The following GGACT variants were observed in gnomAD, a reference collection of about 807,000 sequenced individuals.
GGACT encodes the protein gamma-glutamylaminecyclotransferase.
For missense variants in GGACT, 241 were observed against 233.2 expected (o/e 1.03, Z -0.22); for synonymous variants, 118 against 115.3 (o/e 1.02, Z -0.15).
At position 100,530,633 on chromosome 13, in the gene GGACT, C is replaced by T; in HGVS notation, c.*1497G>A. 1 of 249,086 alleles carries T rather than the reference C, an allele frequency of 4.0e-6. No individual in the cohort carries two copies. Among genetic ancestry groups the T allele is most frequent in the Non-Finnish European group, 7.8e-6 (1 of 127,880 alleles). The allele number at this position is 249,086 out of a possible 1,614,324, so 15.4% of individuals were successfully genotyped here. ...ACTACTTCTAGAAGTGAGGCCCTCA[C>T]TCCTGGTGCTGATTTTCAAAACTTC... On this transcript the variant is annotated 3_prime_UTR_variant, in exon 3 of 3. Coordinates refer to ENST00000683975, the MANE Select transcript of GGACT (RefSeq NM_001195087.2).
intron 1 of GGACT, among the ~76,000 whole-genome samples, chr13:100,587,880 G>T (rs529848376): frequency 6.6e-6 from 1 of 152,106 alleles, no homozygotes; most frequent in Admixed American, 6.6e-5. Context: ...ACAAAAATAA[G>T]CTGGGCGTGA....
In GGACT at chr13:100,531,645, C is replaced by G. The variant is rs185369596; in HGVS notation, c.*485G>C. The G allele has an allele frequency of 6.5e-6, 1 of 154,754 alleles. No homozygotes were observed. Among genetic ancestry groups the G allele is most frequent in the Non-Finnish European group, 1.4e-5 (1 of 69,896 alleles). 9.6% of individuals were successfully genotyped at this position (154,754 alleles called of 1,614,324 possible). On this transcript the variant is annotated 3_prime_UTR_variant, in exon 3 of 3. Transcript: ENST00000683975. ...GAAAATTAGGAAGAATGGTGCTATA[C>G]GCACTCTGATATACAGCATGCTTGC...
At chr13:100,535,758 CTT>C (rs1250625161) in intron 2 of GGACT, 1 of 152,284 alleles carries the variant, frequency 6.6e-6, no homozygotes, top group East Asian at 1.9e-4. Context: ...TCTTGGACAA[CTT>C]TATGTTTTCC....
At chr13:100,562,760 C>T (rs2088775761) in intron 2 of GGACT, among the ~76,000 whole-genome samples, 1 of 149,310 alleles carries the variant, frequency 6.7e-6, no homozygotes, top group East Asian at 2.0e-4. Context: ...CACGCGACTG[C>T]ACTCCAGCCT....
At position 100,531,891 on chromosome 13, in the gene GGACT, T is replaced by TGTC. The variant is rs1475813363; in HGVS notation, c.*236_*238dup. Reference sequence around the variant, plus strand: ...TTAGGCATAACACGAGTTCTCTAAATGTCATTTAGGGGAGTTAAAATCCTA... The same window carrying TGTC: ...TTAGGCATAACACGAGTTCTCTAAATGTCGTCATTTAGGGGAGTTAAAATCCTA... On this transcript the variant is annotated 3_prime_UTR_variant, in exon 3 of 3. Coordinates refer to ENST00000683975, the MANE Select transcript of GGACT (RefSeq NM_001195087.2). 1 of 411,828 alleles carries TGTC rather than the reference T, an allele frequency of 2.4e-6. No individual in the cohort carries two copies. Among genetic ancestry groups the TGTC allele is most frequent in the African/African-American group, 2.1e-5 (1 of 48,778 alleles). The allele number at this position is 411,828 out of a possible 1,614,324, so 25.5% of individuals were successfully genotyped here.
chr13:100,539,647 T>A (rs940016596), intron 2 of GGACT: 60 of 500,768 alleles, frequency 1.2e-4, no homozygotes, highest in Non-Finnish European at 2.4e-5. Context: ...TCATCAAGAA[T>A]ATTAGTCTGT....
intron 2 of GGACT, among the ~76,000 whole-genome samples, chr13:100,546,932 C>T (rs780105660): frequency 4.0e-4 from 61 of 152,306 alleles, no homozygotes; most frequent in African/African-American, 9.4e-4. Context: ...TCATCTGGCA[C>T]GGCCCGGCGC....
chr13:100,572,777 G>A (rs1875125552), intron 2 of GGACT, among the ~76,000 whole-genome samples: 1 of 152,142 alleles, frequency 6.6e-6, no homozygotes, highest in Admixed American at 6.5e-5. Context: ...AGAATGCAGA[G>A]TCCTCAAACT....
chr13:100,578,145 G>C (rs1180069010), intron 2 of GGACT, among the ~76,000 whole-genome samples: 1 of 152,122 alleles, frequency 6.6e-6, no homozygotes, highest in African/African-American at 2.4e-5. Context: ...GGAAATGTCC[G>C]AACACCAAGT....
At chr13:100,544,536 C>T (rs1399628946) in intron 2 of GGACT, among the ~76,000 whole-genome samples, 4 of 152,194 alleles carry the variant, frequency 2.6e-5, no homozygotes, top group Non-Finnish European at 4.4e-5. Flanking sequence ...TTATCTGCAC[C>T]GGCCCCGGTA....
At chr13:100,566,724 G>A (rs1413279097) in intron 2 of GGACT, among the ~76,000 whole-genome samples, 5 of 152,194 alleles carry the variant, frequency 3.3e-5, no homozygotes, top group African/African-American at 7.2e-5. Context: ...CCTGAACACA[G>A]TCATGTCTGT....
At position 100,532,237 on chromosome 13, in the gene GGACT, A is replaced by T; in HGVS notation, c.355T>A (p.Tyr119Asn). 2 of 1,505,914 alleles carry T rather than the reference A, an allele frequency of 1.3e-6. No homozygotes were observed. Among genetic ancestry groups the T allele is most frequent in the Non-Finnish European group, 1.8e-6 (2 of 1,120,924 alleles). 93.3% of individuals were successfully genotyped at this position (1,505,914 alleles called of 1,614,324 possible). Residue 119 changes from tyrosine (Y) to asparagine (N), a missense_variant, in exon 3 of 3, where the codon TAC (tyrosine) becomes AAC (asparagine). Coordinates refer to ENST00000683975, the MANE Select transcript of GGACT (RefSeq NM_001195087.2). Reference sequence around the variant, plus strand: ...TCCGGCGGGAAGGTGGCCCTGCTGTACACGAAGCACTGCACCGCGGTGGGC... The same window carrying T: ...TCCGGCGGGAAGGTGGCCCTGCTGTTCACGAAGCACTGCACCGCGGTGGGC... ...PAPTAVQCFV[Y>N]SRATFPPEWA...
intron 2 of GGACT, among the ~76,000 whole-genome samples, chr13:100,570,069 C>A (rs1313425950): frequency 6.6e-6 from 1 of 152,192 alleles, no homozygotes; most frequent in Admixed American, 6.5e-5. Flanking sequence ...CTGAGCCCTC[C>A]AAGTCTCTAA....
chr13:100,543,239 GCT>G (rs1354734564), intron 2 of GGACT, among the ~76,000 whole-genome samples: 1 of 105,490 alleles, frequency 9.5e-6, no homozygotes. Flanking sequence ...ACGGAGTGTC[GCT>G]CTGTCACCCA....
chr13:100,585,822 CAAAAAAAAAAAAAAAAAAAAAAAAAAAAA>C (rs550006144), intron 1 of GGACT, among the ~76,000 whole-genome samples: 2 of 29,504 alleles, frequency 6.8e-5, no homozygotes, highest in African/African-American at 1.7e-4. Flanking sequence ...CTGTCTCCAC[CAAAAAAAAAAAAAAAAAAAAAAAAAAAAA>C]AAAATAGCTG....
In GGACT at chr13:100,534,874, C is replaced by T. The variant is rs532798230; in HGVS notation, c.-10-2273G>A. Among the ~76,000 whole-genome samples the T allele has an allele frequency of 1.3e-5, 2 of 152,356 alleles. No individual in the cohort carries two copies. The highest frequency in any genetic ancestry group is 3.9e-4 in the East Asian group (2 of 5,188). ...TCCCACCTCATCTCCTGCACCCTCT[C>T]TCCCCTCATCCAGGTGGCTCCTGCC... On this transcript the variant is annotated intron_variant, in intron 2 of 2. Transcript: ENST00000683975. The surrounding 1 kb of genome is among the most constrained non-coding windows in gnomAD (Gnocchi z 4.9).
At chr13:100,584,676 A>G (rs1455704329) in intron 1 of GGACT, among the ~76,000 whole-genome samples, 2 of 152,198 alleles carry the variant, frequency 1.3e-5, no homozygotes, top group Admixed American at 6.5e-5. Flanking sequence ...TGGATACCCC[A>G]TTTACCCTGA....
chr13:100,542,442 C>T (rs758692505), intron 2 of GGACT, among the ~76,000 whole-genome samples: 7 of 152,212 alleles, frequency 4.6e-5, no homozygotes, highest in Non-Finnish European at 8.8e-5. Context: ...TGTCATCCCT[C>T]GTGCACGGAT....
intron 2 of GGACT, 103 bp downstream of exon 2, chr13:100,583,720 CAA>C (rs1046071197): frequency 6.6e-6 from 1 of 152,176 alleles, no homozygotes; most frequent in African/African-American, 2.4e-5. Flanking sequence ...TCTTAAATGA[CAA>C]AGAGACAAGG....
Sources: gnomAD v4.1 joint callset for allele counts (sites outside exome capture counted in the v4.1 genomes callset) on GRCh38, gnomAD v4.1.1 for gene constraint, Gnocchi (gnomAD v3.1) non-coding constraint, MANE v1.5 for transcripts, NCBI Gene and HGNC (gene_info 2026-07-23, HGNC 2026-07-21) for gene names.